The following LRRC37A3 variants were observed in gnomAD, a reference collection of about 807,000 sequenced individuals.
The protein encoded by LRRC37A3 is leucine rich repeat containing 37 member A3.
A neutral mutation model predicts 106.2 loss-of-function variants in LRRC37A3; 25 were observed. That is an observed-to-expected ratio of 0.24 (90% CI 0.17 to 0.33). The LOEUF is 0.33. Among genes scored for constraint, LRRC37A3 ranks in the 10% least tolerant of loss-of-function variants. The probability of loss-of-function intolerance (pLI) is 1.00; values close to 1 mark genes in which losing one functional copy is unlikely to be tolerated. For missense variants in LRRC37A3, 712 were observed against 1,644.9 expected (o/e 0.43, Z 9.81); for synonymous variants, 305 against 635.8 (o/e 0.48, Z 7.83).
chr17:64,875,351 C>A (rs1179764113), intron 8 of LRRC37A3, among the ~76,000 whole-genome samples: 2 of 152,190 alleles, frequency 1.3e-5, no homozygotes, highest in African/African-American at 4.8e-5. Flanking sequence ...TCTGAAGAAA[C>A]TGTCAACCAA....
At chr17:64,866,816 T>TAC (rs1477695018) in intron 10 of LRRC37A3, among the ~76,000 whole-genome samples, 17 of 141,844 alleles carry the variant, frequency 1.2e-4, no homozygotes, top group African/African-American at 4.4e-4. Flanking sequence ...TATATATATA[T>TAC]ATATATATCC....
Position 64,854,274 on chromosome 17 carries a change from C to T in LRRC37A3, c.*325G>A, listed in dbSNP as rs1972602575. 2.0e-6 allele frequency: 1 copy of T among 492,526 alleles called. No individual in the cohort carries two copies. The highest frequency in any genetic ancestry group is 3.7e-6 in the Non-Finnish European group (1 of 273,646). The allele number at this position is 492,526 out of a possible 1,614,324, so 30.5% of individuals were successfully genotyped here. A position where few individuals can be genotyped will look rare whatever the true frequency, so the allele number is the denominator to read the frequency against. On this transcript the variant is annotated 3_prime_UTR_variant, in exon 15 of 15. Coordinates refer to ENST00000584306, the MANE Select transcript of LRRC37A3 (RefSeq NM_199340.5). ...CACAGTGCAGGTAGGCCCAGTGATC[C>T]TATGATAGGGGCCAGGAGATGGGAG...
intron 8 of LRRC37A3, among the ~76,000 whole-genome samples, chr17:64,873,024 G>C (rs1973373348): frequency 6.6e-6 from 1 of 152,204 alleles, no homozygotes; most frequent in South Asian, 2.1e-4. Context: ...TAGCTGATCA[G>C]TAAGCTAACC....
chr17:64,862,915 T>C lies in LRRC37A3; in HGVS notation c.3157A>G (p.Asn1053Asp), dbSNP rs759354003. The C allele has an allele frequency of 1.3e-6, 2 of 1,599,152 alleles. No homozygotes were observed. Among genetic ancestry groups the C allele is most frequent in the Non-Finnish European group, 1.7e-6 (2 of 1,179,786 alleles). Residue 1053 changes from asparagine to aspartate, a missense_variant, in exon 11 of 15, where the codon AAC (asparagine) becomes GAC (aspartate). Coordinates refer to ENST00000584306, the MANE Select transcript of LRRC37A3 (RefSeq NM_199340.5). ...KLHCNSACLT[N>D]TTHCPEEASV... is the part of the protein sequence containing the mutation. ...TTGGACTCACGACAATGTGTGGTGT[T>C]TGTCAGACATGCACTGTTGCAATGC... is the stretch of plus-strand genomic sequence containing the variant.
chr17:64,863,971 A>ATTTT lies in LRRC37A3; in HGVS notation c.3054-957_3054-954dup, dbSNP rs1218172930. 7.1e-3 allele frequency among the ~76,000 whole-genome samples: 911 copies of ATTTT among 128,954 alleles called. 17 individuals carry two copies. The highest frequency in any genetic ancestry group is 0.026 in the African/African-American group (881 of 33,268). 84.6% of individuals were successfully genotyped at this position (128,954 alleles called of 152,430 possible). On this transcript the variant is annotated intron_variant, in intron 10 of 14. Transcript: ENST00000584306. ...AGGCTTGCACCACCATGCCCAGCTA[A>ATTTT]TTTTTTTTTTTTTTTTTTTTTTTAC...
At chr17:64,857,261 C>T (rs961052210) in intron 13 of LRRC37A3, among the ~76,000 whole-genome samples, 1 of 152,092 alleles carries the variant, frequency 6.6e-6, no homozygotes, top group Admixed American at 6.5e-5. Flanking sequence ...ATCCCATTTA[C>T]AATGGCAATA....
At chr17:64,910,309 G>C (rs1974560469) in intron 2 of LRRC37A3, 1 of 152,206 alleles carries the variant, frequency 6.6e-6, no homozygotes, top group Non-Finnish European at 1.5e-5. Flanking sequence ...CTGACACTTT[G>C]TACGGTCCTC....
At chr17:64,913,447 T>G (rs1375591035) in intron 2 of LRRC37A3, among the ~76,000 whole-genome samples, 1 of 152,052 alleles carries the variant, frequency 6.6e-6, no homozygotes, top group African/African-American at 2.4e-5. Flanking sequence ...TTCAAGTGAT[T>G]ATCTTGCCTC....
At chr17:64,881,366 G>A (rs1203480983) in intron 8 of LRRC37A3, among the ~76,000 whole-genome samples, 2 of 146,752 alleles carry the variant, frequency 1.4e-5, no homozygotes, top group Admixed American at 1.4e-4. Flanking sequence ...TCCTGCCTCA[G>A]CCTTCAGAGT....
At chr17:64,898,803 T>C (rs1598429152) in intron 2 of LRRC37A3, 1 of 667,956 alleles carries the variant, frequency 1.5e-6, no homozygotes, top group African/African-American at 2.4e-5. Context: ...CCATAAATAG[T>C]AAATAATGAC....
At position 64,860,409 on chromosome 17, in the gene LRRC37A3, G is replaced by A; in HGVS notation, c.3737C>T (p.Ser1246Phe). 1 of 1,613,984 alleles carries A rather than the reference G, an allele frequency of 6.2e-7. No individual in the cohort carries two copies. Among genetic ancestry groups the A allele is most frequent in the Non-Finnish European group, 8.5e-7 (1 of 1,179,866 alleles). The change falls in exon 12 of 15, where the codon TCT becomes TTT. Residue 1246 changes from serine to phenylalanine, a missense_variant. Coordinates refer to ENST00000584306, the MANE Select transcript of LRRC37A3 (RefSeq NM_199340.5). ...GCCCTTGGAGAAGGGTTTCAGCACA[G>A]AGACTGCTGCCTTATGCTCTTGGGT... ...SFTQEHKAAV[S>F]VLKPFSKGAP... is the part of the protein sequence containing the mutation.
chr17:64,859,381 C>T, intron 12 of LRRC37A3, 61 bp downstream of exon 12: 6 of 1,365,172 alleles, frequency 4.4e-6, no homozygotes, highest in Non-Finnish European at 5.1e-6. Context: ...TGTGTGGGCA[C>T]TTTCCTGGGA....
rs553195265 is a variant in LRRC37A3, at chr17:64,859,003, G to C, written c.4705-120C>G. ...GGGTCTCACTCTGTCACCCAGGCTG[G>C]GGTACAGTGGTGCAATCACCATTCA... On this transcript the variant is annotated intron_variant, in intron 12 of 14. Coordinates refer to ENST00000584306, the MANE Select transcript of LRRC37A3 (RefSeq NM_199340.5). 26 of 733,980 alleles carry C rather than the reference G, an allele frequency of 3.5e-5. No individual in the cohort carries two copies. The African/African-American group carries it at 4.3e-4, about 12-fold the overall frequency. The allele number at this position is 733,980 out of a possible 1,614,324, so 45.5% of individuals were successfully genotyped here.
In LRRC37A3 at chr17:64,880,777, T is replaced by C. The variant is rs535577714; in HGVS notation, c.2906+5309A>G. On this transcript the variant is annotated intron_variant, in intron 8 of 14. Coordinates refer to ENST00000584306, the MANE Select transcript of LRRC37A3 (RefSeq NM_199340.5). The stretch of plus-strand genomic sequence containing the variant: ...AACATTTCTTGCCTGTTTTTTTTTT[T>C]CCCCTCCAAATTCTTCTACACAGGT... Among the ~76,000 whole-genome samples, 437 of 151,976 alleles carry C rather than the reference T, an allele frequency of 2.9e-3. 2 individuals are homozygous for C. Among genetic ancestry groups the C allele is most frequent in the African/African-American group, 9.4e-3 (389 of 41,492 alleles).
At position 64,912,290 on chromosome 17, in the gene LRRC37A3, T is replaced by C. The variant is rs984918593; in HGVS notation, c.-496+6460A>G. 5.8e-5 allele frequency among the ~76,000 whole-genome samples: 3 copies of C among 51,638 alleles called. No homozygotes were observed. In the East Asian group the frequency reaches 2.2e-3, roughly 38 times the overall value. 33.9% of individuals were successfully genotyped at this position (51,638 alleles called of 152,430 possible). On this transcript the variant is annotated intron_variant, in intron 2 of 14. Transcript: ENST00000584306. The stretch of plus-strand genomic sequence containing the variant: ...ACACAATGTATGCATGTAGATATAA[T>C]ATACACTGAAAGTATAGATACATAT...
At chr17:64,866,599 T>TATATACATATATACACGTAC in intron 10 of LRRC37A3, among the ~76,000 whole-genome samples, 1 of 18,360 alleles carries the variant, frequency 5.4e-5, no homozygotes, top group Non-Finnish European at 9.5e-5. Flanking sequence ...CATATATATA[T>TATATACATATATACACGTAC]ATATATATAT....
chr17:64,916,953 A>G (rs999759560), intron 2 of LRRC37A3, among the ~76,000 whole-genome samples: 7 of 151,116 alleles, frequency 4.6e-5, no homozygotes, highest in African/African-American at 1.7e-4. Context: ...AAAAAAAAAA[A>G]AAAAACTTGA....
At chr17:64,913,259 C>T (rs1297963574) in intron 2 of LRRC37A3, among the ~76,000 whole-genome samples, 3 of 151,694 alleles carry the variant, frequency 2.0e-5, no homozygotes, top group Admixed American at 2.0e-4. Flanking sequence ...GAACTCCCGA[C>T]CTCAGGTGAT....
intron 11 of LRRC37A3, among the ~76,000 whole-genome samples, chr17:64,862,049 G>A (rs1203584725): frequency 9.9e-5 from 15 of 151,808 alleles, no homozygotes; most frequent in Non-Finnish European, 1.8e-4. Flanking sequence ...TCTGTAAAAG[G>A]AGGTTAACAA....
Sources: gnomAD v4.1 joint callset for allele counts (sites outside exome capture counted in the v4.1 genomes callset) on GRCh38, gnomAD v4.1.1 for gene constraint, MANE v1.5 for transcripts, NCBI Gene and HGNC (gene_info 2026-07-23, HGNC 2026-07-21) for gene names.